Variants in CUX1 observed in about 807,000 individuals in gnomAD.
CUX1 encodes the protein cut like homeobox 1, also known as protein CASP.
In CUX1, 31 loss-of-function variants were observed where a neutral mutation model predicts 158.8. That is an observed-to-expected ratio of 0.20 (90% CI 0.15 to 0.26). The LOEUF is 0.26. Among genes scored for constraint, CUX1 ranks in the 10% least tolerant of loss-of-function variants. CUX1 has a pLI of 1.00. For missense variants in CUX1, 1,589 were observed against 2,014.6 expected (o/e 0.79, Z 4.04); for synonymous variants, 879 against 862.1 (o/e 1.02, Z -0.34).
chr7:102,070,380 T>C lies in CUX1; in HGVS notation c.231T>C (p.Ala77=). The C allele has an allele frequency of 6.2e-7, 1 of 1,610,676 alleles. No individual in the cohort carries two copies. The highest frequency in any genetic ancestry group is 8.5e-7 in the Non-Finnish European group (1 of 1,179,280). Residue 77 remains alanine, a synonymous_variant, in exon 4 of 24, where the codon GCT becomes GCC. Transcript: ENST00000292535. ...AAAGAAGCAAGGAAGCTGAAGCAGC[T>C]TTCTTGAATGTCTACAAAAGATTGA... is the stretch of plus-strand genomic sequence containing the variant. The part of the protein sequence containing the change: ...LSKRSKEAEA[A]FLNVYKRLID...
At chr7:101,979,322 C>A (rs1363262390) in intron 2 of CUX1, among the ~76,000 whole-genome samples, 2 of 152,120 alleles carry the variant, frequency 1.3e-5, no homozygotes, top group Admixed American at 1.3e-4. Context: ...ATCACCCACA[C>A]CGAAGGAATG....
At chr7:102,184,412 G>T (rs1324587082) in intron 11 of CUX1, among the ~76,000 whole-genome samples, 2 of 152,156 alleles carry the variant, frequency 1.3e-5, no homozygotes, top group African/African-American at 4.8e-5. Context: ...ATTACAACAG[G>T]CGTGTTTGAT....
chr7:102,016,594 A>C (rs1256980256), intron 2 of CUX1, among the ~76,000 whole-genome samples: 1 of 152,248 alleles, frequency 6.6e-6, no homozygotes, highest in Non-Finnish European at 1.5e-5. Flanking sequence ...CCTGGACGAC[A>C]GAGCGAGACC....
intron 2 of CUX1, among the ~76,000 whole-genome samples, chr7:101,919,739 C>G (rs1804673970): frequency 6.6e-6 from 1 of 152,232 alleles, no homozygotes; most frequent in African/African-American, 2.4e-5. Context: ...TAAAGTTTGT[C>G]TGCCATCGGA....
intron 1 of CUX1, among the ~76,000 whole-genome samples, chr7:101,851,095 C>G (rs943994056): frequency 4.6e-5 from 7 of 152,036 alleles, no homozygotes; most frequent in Admixed American, 2.0e-4. Context: ...GGTGACAGAG[C>G]GAGAGTCTGT....
chr7:101,935,056 T>C (rs1301326895), intron 2 of CUX1, among the ~76,000 whole-genome samples: 1 of 152,156 alleles, frequency 6.6e-6, no homozygotes, highest in Non-Finnish European at 1.5e-5. Context: ...TAAGCCATCA[T>C]ATCCCCTGTG....
intron 2 of CUX1, among the ~76,000 whole-genome samples, chr7:102,026,580 G>A (rs1026162523): frequency 6.6e-5 from 10 of 152,032 alleles, no homozygotes; most frequent in African/African-American, 2.4e-4. Context: ...AGCACTTTGG[G>A]AGGCTGAGGT....
At chr7:101,957,974 C>T (rs1313558444) in intron 2 of CUX1, among the ~76,000 whole-genome samples, 3 of 152,194 alleles carry the variant, frequency 2.0e-5, no homozygotes, top group Non-Finnish European at 4.4e-5. Context: ...ATCTGAGTTT[C>T]CTTGTCCCTA....
At chr7:102,091,527 G>T (rs2130849016) in intron 4 of CUX1, among the ~76,000 whole-genome samples, 1 of 151,732 alleles carries the variant, frequency 6.6e-6, no homozygotes, top group East Asian at 2.0e-4. Context: ...CTGAGACGAG[G>T]TCTTGCTATG....
chr7:102,109,801 AAAG>A (rs1200362832), intron 6 of CUX1, among the ~76,000 whole-genome samples: 2 of 152,044 alleles, frequency 1.3e-5, no homozygotes, highest in East Asian at 3.8e-4. Flanking sequence ...AAAAAAGAAA[AAAG>A]AAAAAATTGC....
intron 8 of CUX1, among the ~76,000 whole-genome samples, chr7:102,129,272 C>T (rs1832967496): frequency 6.6e-6 from 1 of 152,158 alleles, no homozygotes; most frequent in Non-Finnish European, 1.5e-5. Context: ...CCTCAGGGAC[C>T]CTAAATTTTA....
chr7:102,237,313 G>T (rs1185048608), intron 22 of CUX1, among the ~76,000 whole-genome samples: 1 of 151,812 alleles, frequency 6.6e-6, no homozygotes, highest in Admixed American at 6.6e-5. Flanking sequence ...CTGCAGCCTC[G>T]GTGTTCTGGG....
At chr7:102,210,972 C>T (rs1796450264) in intron 20 of CUX1, among the ~76,000 whole-genome samples, 1 of 152,206 alleles carries the variant, frequency 6.6e-6, no homozygotes. Flanking sequence ...GCCAGGAACA[C>T]GTGTCCAGGG....
intron 2 of CUX1, among the ~76,000 whole-genome samples, chr7:101,994,226 C>A (rs374226786): frequency 6.6e-6 from 1 of 152,372 alleles, no homozygotes; most frequent in South Asian, 2.1e-4. Context: ...ACCGTTATTT[C>A]TCTCCTAGAC....
chr7:102,009,068 A>G (rs1585258339), intron 2 of CUX1, among the ~76,000 whole-genome samples: 1 of 152,200 alleles, frequency 6.6e-6, no homozygotes, highest in Non-Finnish European at 1.5e-5. Flanking sequence ...TCGGCCTGCC[A>G]GCCACAGCGG....
intron 1 of CUX1, among the ~76,000 whole-genome samples, chr7:101,895,946 G>C (rs1801465816): frequency 8.0e-6 from 1 of 125,590 alleles, no homozygotes; most frequent in South Asian, 2.6e-4. Flanking sequence ...GTCTTACTCT[G>C]TCATGCAGGC....
At chr7:101,998,130 A>G (rs1478021888) in intron 2 of CUX1, among the ~76,000 whole-genome samples, 1 of 152,174 alleles carries the variant, frequency 6.6e-6, no homozygotes, top group African/African-American at 2.4e-5. Flanking sequence ...AGCCTTGGTA[A>G]AGGCTGCTGT....
At chr7:101,980,207 C>A (rs938861900) in intron 2 of CUX1, among the ~76,000 whole-genome samples, 1 of 152,118 alleles carries the variant, frequency 6.6e-6, no homozygotes, top group African/African-American at 2.4e-5. Context: ...CAGGATCTTA[C>A]AGAAGAAGAA....
intron 20 of CUX1, among the ~76,000 whole-genome samples, chr7:102,205,638 A>G (rs1795871064): frequency 2.6e-5 from 4 of 152,168 alleles, no homozygotes; most frequent in Admixed American, 2.6e-4. Context: ...CAGAAAGGAA[A>G]TGGCCAGGAA....
Sources: gnomAD v4.1 joint callset for allele counts (sites outside exome capture counted in the v4.1 genomes callset) on GRCh38, gnomAD v4.1.1 for gene constraint, MANE v1.5 for transcripts, NCBI Gene and HGNC (gene_info 2026-07-23, HGNC 2026-07-21) for gene names.